LYRM4: variants seen among roughly 807,000 people sequenced by gnomAD.
LYRM4 encodes the protein LYR motif containing 4.
LYRM4 carries 9 observed loss-of-function variants against 11.7 expected under a neutral mutation model. That is an observed-to-expected ratio of 0.77 (90% CI 0.46 to 1.34). The LOEUF (loss-of-function observed/expected upper bound fraction) is 1.34. LYRM4 is among the 40% of genes most tolerant of loss of function. LYRM4 has a pLI of 0.00. For synonymous variants in LYRM4, 42 were observed against 40.4 expected (o/e 1.04, Z -0.15); for missense variants, 133 against 112.5 (o/e 1.18, Z -0.82).
the LYRM4 span, among the ~76,000 whole-genome samples, chr6:5,051,925 C>G: frequency 2.0e-5 from 3 of 152,118 alleles, no homozygotes; most frequent in East Asian, 3.9e-4. Context: ...ACAACCAACT[C>G]TCATGGGAGC....
chr6:5,033,242 A>G, the LYRM4 span: 1 of 151,628 alleles, frequency 6.6e-6, no homozygotes, highest in Non-Finnish European at 1.5e-5. Flanking sequence ...GAAAAGCACC[A>G]GCACTCATTT....
intron 1 of LYRM4, among the ~76,000 whole-genome samples, chr6:5,246,014 T>A (rs1326567145): frequency 6.6e-6 from 1 of 152,194 alleles, no homozygotes; most frequent in African/African-American, 2.4e-5. Context: ...TATAGTTTTT[T>A]CCTTATTCTT....
At chr6:5,144,039 C>T in intron 2 of LYRM4, 1 of 1,386,034 alleles carries the variant, frequency 7.2e-7, no homozygotes, top group Non-Finnish European at 9.6e-7. Flanking sequence ...CATCAAATTG[C>T]TTTCCTCCCT....
Position 5,206,611 on chromosome 6 carries a change from C to T in LYRM4, c.207+10007G>A, listed in dbSNP as rs190936378. On this transcript the variant is annotated intron_variant, in intron 2 of 2. Transcript: ENST00000330636. ...TAGAGGTGAGGACTTCATGGTGATG[C>T]TATCACTAACTTGTGACAGACTTTG... 3.1e-3 allele frequency among the ~76,000 whole-genome samples: 478 copies of T among 152,234 alleles called. 2 individuals are homozygous for T. The highest frequency in any genetic ancestry group is 5.4e-3 in the Non-Finnish European group (365 of 68,000).
At chr6:5,116,893 C>T (rs1444141814) in intron 2 of LYRM4, among the ~76,000 whole-genome samples, 2 of 152,152 alleles carry the variant, frequency 1.3e-5, no homozygotes, top group South Asian at 2.1e-4. Context: ...AGGTCTTCAC[C>T]GCTTCCTCTT....
intron 1 of LYRM4, among the ~76,000 whole-genome samples, chr6:5,245,995 A>C (rs937351512): frequency 1.3e-5 from 2 of 152,238 alleles, no homozygotes; most frequent in African/African-American, 4.8e-5. Flanking sequence ...AAAAACAATA[A>C]GAAACAACTA....
At chr6:5,107,570 T>C (rs1561799527), downstream of LYRM4, 1 of 152,218 alleles carries the variant, frequency 6.6e-6, no homozygotes, top group South Asian at 2.1e-4. Context: ...AGGGAGTGAT[T>C]ATACTTGCCA....
chr6:5,060,629 G>A, the LYRM4 span, among the ~76,000 whole-genome samples: 56 of 152,206 alleles, frequency 3.7e-4, 2 homozygotes, highest in South Asian at 8.3e-4. Flanking sequence ...TCGGGTTCAA[G>A]TTATTCTTAT....
chr6:5,170,008 C>T (rs185454954), intron 2 of LYRM4, among the ~76,000 whole-genome samples: 4 of 152,296 alleles, frequency 2.6e-5, no homozygotes, highest in African/African-American at 9.6e-5. Context: ...ACTGGGCAGG[C>T]TGACAGAGCT....
chr6:5,060,485 C>T, the LYRM4 span, among the ~76,000 whole-genome samples: 1 of 141,670 alleles, frequency 7.1e-6, no homozygotes, highest in Non-Finnish European at 1.5e-5. Flanking sequence ...TTATAGTCCC[C>T]TTGAGTTTCG....
intron 2 of LYRM4, chr6:5,186,884 T>A: frequency 2.3e-6 from 1 of 433,052 alleles, no homozygotes; most frequent in Non-Finnish European, 3.7e-6. Context: ...CTCGGGAGGC[T>A]GAGGCAGGAG....
chr6:5,035,560 C>CTT, the LYRM4 span, among the ~76,000 whole-genome samples: 21 of 956 alleles, frequency 0.022, 6 homozygotes, highest in Non-Finnish European at 0.052. Context: ...TCCCTCCTTC[C>CTT]CCTCCCCTCC....
chr6:5,106,328 T>G (rs1223175493), downstream of LYRM4: 2 of 152,274 alleles, frequency 1.3e-5, no homozygotes, highest in Non-Finnish European at 2.9e-5. Context: ...GGAAAGGCCC[T>G]GACTCTGTAC....
At chr6:5,093,633 A>G in the LYRM4 span, among the ~76,000 whole-genome samples, 1 of 152,390 alleles carries the variant, frequency 6.6e-6, no homozygotes, top group South Asian at 2.1e-4. Flanking sequence ...AGTCTGTACT[A>G]TCTGGTTAGA....
intron 1 of LYRM4, among the ~76,000 whole-genome samples, chr6:5,260,336 TC>T: frequency 6.6e-6 from 1 of 152,162 alleles, no homozygotes; most frequent in East Asian, 1.9e-4. Context: ...CTGATTTCCA[TC>T]CCTTTTTTCT....
chr6:5,157,276 A>G (rs1758468924), intron 2 of LYRM4, among the ~76,000 whole-genome samples: 1 of 152,214 alleles, frequency 6.6e-6, no homozygotes, highest in South Asian at 2.1e-4. Context: ...ATGACACATA[A>G]TTTCACTTAA....
chr6:5,138,793 A>C, intron 2 of LYRM4: 2 of 1,359,294 alleles, frequency 1.5e-6, no homozygotes, highest in African/African-American at 1.5e-5. Context: ...TAACAGAAAG[A>C]AAGAGTTCTT....
the LYRM4 span, among the ~76,000 whole-genome samples, chr6:5,043,738 C>T: frequency 2.6e-5 from 4 of 152,114 alleles, no homozygotes; most frequent in Non-Finnish European, 5.9e-5. Flanking sequence ...CAAATACAAA[C>T]CAACCAATCC....
the LYRM4 span, among the ~76,000 whole-genome samples, chr6:5,046,129 T>C: frequency 1.3e-5 from 2 of 152,100 alleles, no homozygotes; most frequent in Non-Finnish European, 2.9e-5. Flanking sequence ...AGGAAAAAAT[T>C]AGTGGCTTAA....
Sources: allele counts gnomAD v4.1 joint callset (sites outside exome capture counted in the v4.1 genomes callset), GRCh38; gene constraint gnomAD v4.1.1; transcripts MANE v1.5; gene names NCBI Gene and HGNC (gene_info 2026-07-23, HGNC 2026-07-21).